UGT1A10: variants seen among roughly 807,000 people sequenced by gnomAD.
The protein encoded by UGT1A10 is UDP glucuronosyltransferase family 1 member A10.
Under a neutral mutation model 45.8 loss-of-function variants are expected in UGT1A10, and 49 were observed. That is an observed-to-expected ratio of 1.07 (90% CI 0.85 to 1.36). The LOEUF (loss-of-function observed/expected upper bound fraction) is 1.36, where lower values mean the gene tolerates loss of function less well. UGT1A10 is among the 40% of genes most tolerant of loss of function. UGT1A10 has a pLI of 0.00. For synonymous variants in UGT1A10, 284 were observed against 249.7 expected (o/e 1.14, Z -1.29); for missense variants, 745 against 668.6 (o/e 1.11, Z -1.26).
chr2:233,641,202 C>T (rs935439606), intron 1 of UGT1A10, among the ~76,000 whole-genome samples: 13 of 152,190 alleles, frequency 8.5e-5, no homozygotes, highest in African/African-American at 3.1e-4. Context: ...TCTAATAAAT[C>T]TGCCTTTCTT....
chr2:233,680,923 AT>A (rs1460071710), intron 1 of UGT1A10, among the ~76,000 whole-genome samples: 1 of 152,074 alleles, frequency 6.6e-6, no homozygotes, highest in Non-Finnish European at 1.5e-5. Flanking sequence ...GAGGAAAGCC[AT>A]TTAAAATAGG....
chr2:233,682,645 A>G, intron 1 of UGT1A10: 1 of 1,613,956 alleles, frequency 6.2e-7, no homozygotes, highest in Non-Finnish European at 8.5e-7. Flanking sequence ...AAATTCTCCA[A>G]ACCCCTGTCA....
chr2:233,673,511 A>C (rs983652888), intron 1 of UGT1A10, among the ~76,000 whole-genome samples: 2 of 152,138 alleles, frequency 1.3e-5, no homozygotes, highest in African/African-American at 2.4e-5. Flanking sequence ...AGAGCCCTAC[A>C]TGTAGGGTTA....
chr2:233,729,548 T>G (rs1482576119), intron 1 of UGT1A10: 2 of 1,614,102 alleles, frequency 1.2e-6, no homozygotes, highest in African/African-American at 2.7e-5. Context: ...ATCAGGCACC[T>G]GAATGCTACT....
chr2:233,704,079 C>G lies in UGT1A10; in HGVS notation c.856-62955C>G, dbSNP rs1447811434. Reference sequence around the variant, plus strand: ...CTAATTTTTGTATTTTTTATAGAGACAGAGTTTTGCCATGTTGGTCAGTCT... The same window carrying G: ...CTAATTTTTGTATTTTTTATAGAGAGAGAGTTTTGCCATGTTGGTCAGTCT... On this transcript the variant is annotated intron_variant, in intron 1 of 4. Transcript: ENST00000344644. Among the ~76,000 whole-genome samples, 10 of 151,988 alleles carry G rather than the reference C, an allele frequency of 6.6e-5. No individual in the cohort carries two copies. In the East Asian group the frequency reaches 1.9e-3, roughly 29 times the overall value.
intron 1 of UGT1A10, among the ~76,000 whole-genome samples, chr2:233,644,733 G>A (rs2073553948): frequency 2.6e-5 from 4 of 152,110 alleles, no homozygotes; most frequent in Admixed American, 2.6e-4. Context: ...CACCGCCACT[G>A]TGGGTTCAGG....
chr2:233,649,369 T>C (rs1046075270), intron 1 of UGT1A10, among the ~76,000 whole-genome samples: 3 of 152,212 alleles, frequency 2.0e-5, no homozygotes, highest in African/African-American at 7.2e-5. Context: ...TTTTTTAGTA[T>C]TTTTGGAAAA....
intron 1 of UGT1A10, among the ~76,000 whole-genome samples, chr2:233,661,220 C>A (rs1026359366): frequency 2.6e-5 from 4 of 151,690 alleles, no homozygotes; most frequent in Non-Finnish European, 5.9e-5. Context: ...TATTTTCCTA[C>A]CTTAATTTTC....
Position 233,767,853 on chromosome 2 carries a change from TG to T in UGT1A10, c.993del (p.Trp332GlyfsTer31), listed in dbSNP as rs1559414567. 7 of 1,614,210 alleles carry T rather than the reference TG, an allele frequency of 4.3e-6. No homozygotes were observed. Among genetic ancestry groups the T allele is most frequent in the Non-Finnish European group, 5.9e-6 (7 of 1,180,034 alleles). ...TGCTCTTTTTGCCCCTCCCAGGTCCTGTGGCGGTACACTGGAACCCGACCAT... is the reference window on the plus strand; with the variant it reads ...TGCTCTTTTTGCCCCTCCCAGGTCCTTGGCGGTACACTGGAACCCGACCAT... Reference protein sequence around the residue: ...DALGKIPQTVLWRYTGTRPSN... With the variant: ...DALGKIPQTVXWRYTGTRPSN... On this transcript the variant is annotated frameshift_variant, in exon 3 of 5. Coordinates refer to ENST00000344644, the MANE Select transcript of UGT1A10 (RefSeq NM_019075.4). LOFTEE classifies it high-confidence loss of function.
intron 1 of UGT1A10, among the ~76,000 whole-genome samples, chr2:233,669,267 A>AT (rs1418951118): frequency 2.7e-5 from 4 of 148,548 alleles, no homozygotes; most frequent in African/African-American, 1.0e-4. Flanking sequence ...TTTTTTTTCT[A>AT]TTTTTTAAAA....
intron 1 of UGT1A10, chr2:233,672,214 G>A (rs1017051585): frequency 6.2e-7 from 1 of 1,614,172 alleles, no homozygotes; most frequent in South Asian, 1.1e-5. Flanking sequence ...CAAGGCTTTT[G>A]CCCATGCTCA....
chr2:233,689,196 G>A (rs17862859), intron 1 of UGT1A10, among the ~76,000 whole-genome samples: 5,768 of 152,276 alleles, frequency 0.038, 135 homozygotes, highest in Non-Finnish European at 0.059. Context: ...GGAACTGTCT[G>A]GCTGGGCAAG....
At chr2:233,693,661 C>T (rs1196693906) in intron 1 of UGT1A10, 1 of 1,614,126 alleles carries the variant, frequency 6.2e-7, no homozygotes, top group East Asian at 2.2e-5. Flanking sequence ...TGTTGGAGCC[C>T]TATCTATTTT....
At chr2:233,667,877 A>C (rs1002682927) in intron 1 of UGT1A10, among the ~76,000 whole-genome samples, 3 of 152,212 alleles carry the variant, frequency 2.0e-5, no homozygotes, top group African/African-American at 4.8e-5. Flanking sequence ...AAAAGTCAGG[A>C]AACAACAGGT....
At position 233,713,288 on chromosome 2, in the gene UGT1A10, G is replaced by A. The variant is rs767329942; in HGVS notation, c.856-53746G>A. ...GCCTTTTGCTGGGTCACACTCAATC[G>A]TTCTTTGAAACAGAACATCTTCTGA... On this transcript the variant is annotated intron_variant, in intron 1 of 4. Coordinates refer to ENST00000344644, the MANE Select transcript of UGT1A10 (RefSeq NM_019075.4). 15 of 1,614,084 alleles carry A rather than the reference G, an allele frequency of 9.3e-6. 1 individual carries two copies. The highest frequency in any genetic ancestry group is 6.6e-5 in the South Asian group (6 of 91,090).
intron 1 of UGT1A10, among the ~76,000 whole-genome samples, chr2:233,699,197 C>G (rs966518416): frequency 2.0e-5 from 3 of 152,172 alleles, no homozygotes; most frequent in African/African-American, 7.2e-5. Context: ...TTCAGAATCT[C>G]ATGCTGTTGC....
intron 1 of UGT1A10, among the ~76,000 whole-genome samples, chr2:233,698,975 G>A (rs527808539): frequency 6.6e-6 from 1 of 152,336 alleles, no homozygotes; most frequent in African/African-American, 2.4e-5. Context: ...AAGCCCTTTG[G>A]CCACCCAGGT....
At chr2:233,752,601 A>T (rs969086099) in intron 1 of UGT1A10, 2 of 152,086 alleles carry the variant, frequency 1.3e-5, no homozygotes, top group Non-Finnish European at 2.9e-5. Flanking sequence ...GATTTTTTTT[A>T]AAAAAACATT....
chr2:233,702,349 GTT>G (rs545005076), intron 1 of UGT1A10, among the ~76,000 whole-genome samples: 1 of 151,098 alleles, frequency 6.6e-6, no homozygotes, highest in Admixed American at 6.6e-5. Context: ...TGTTCTAATA[GTT>G]TTTTTTTAGT....
Sources: allele counts gnomAD v4.1 joint callset (sites outside exome capture counted in the v4.1 genomes callset), GRCh38; gene constraint gnomAD v4.1.1; transcripts MANE v1.5; gene names NCBI Gene and HGNC (gene_info 2026-07-23, HGNC 2026-07-21).